OCA2: variants seen among roughly 807,000 people sequenced by gnomAD.
The protein encoded by OCA2 is P protein.
In OCA2, 77 loss-of-function variants were observed where a neutral mutation model predicts 100.2. The ratio of observed to expected loss-of-function variants is 0.77; its 90% CI spans 0.64 to 0.93. The LOEUF (loss-of-function observed/expected upper bound fraction) is 0.93. Among genes scored for constraint, OCA2 ranks in the 40% least tolerant of loss-of-function variants. The probability of loss-of-function intolerance (pLI) is 0.00; values close to 1 mark genes in which losing one functional copy is unlikely to be tolerated. For synonymous variants in OCA2, 432 were observed against 439.2 expected, an observed-to-expected ratio of 0.98 and a Z score of 0.21; for missense variants, 1,062 against 1,089.1, an observed-to-expected ratio of 0.98 and a Z score of 0.35.
chr15:27,968,355 G>A (rs962007652), intron 14 of OCA2, among the ~76,000 whole-genome samples: 1 of 152,126 alleles, frequency 6.6e-6, no homozygotes, highest in South Asian at 2.1e-4. Flanking sequence ...GGAATGACAG[G>A]GGCAGGGTGG....
At chr15:27,721,212 C>T in the OCA2 span, among the ~76,000 whole-genome samples, 17 of 152,182 alleles carry the variant, frequency 1.1e-4, no homozygotes, top group East Asian at 1.4e-3. Flanking sequence ...TAACAAATAA[C>T]GTAATTTGCA....
intron 9 of OCA2, among the ~76,000 whole-genome samples, chr15:28,008,881 C>A (rs775687956): frequency 6.6e-6 from 1 of 152,328 alleles, no homozygotes; most frequent in Middle Eastern, 3.4e-3. Context: ...CCCCAAGACT[C>A]CCCTGAGTAG....
intron 2 of OCA2, among the ~76,000 whole-genome samples, chr15:28,044,093 A>G (rs1016324463): frequency 5.9e-5 from 9 of 152,238 alleles, no homozygotes; most frequent in Admixed American, 1.3e-4. Context: ...GCTCTCTGAA[A>G]GACCATTTTA....
At chr15:27,866,377 A>G (rs72710557) in intron 21 of OCA2, among the ~76,000 whole-genome samples, 5,836 of 152,272 alleles carry the variant, frequency 0.038, 127 homozygotes, top group South Asian at 0.059. Flanking sequence ...GGAGGTGCAC[A>G]GCTAGGGTCT....
chr15:27,809,259 C>A (rs1243959086), intron 23 of OCA2, among the ~76,000 whole-genome samples: 2 of 152,228 alleles, frequency 1.3e-5, no homozygotes, highest in African/African-American at 4.8e-5. Flanking sequence ...TCTTTTATTG[C>A]TTCCCATTTT....
chr15:27,819,816 C>T (rs1443545847), intron 23 of OCA2, among the ~76,000 whole-genome samples: 1 of 152,132 alleles, frequency 6.6e-6, no homozygotes, highest in Admixed American at 6.5e-5. Flanking sequence ...TATCAATGAG[C>T]ACACCTAGAT....
At chr15:28,025,592 T>G (rs1387950209) in intron 4 of OCA2, among the ~76,000 whole-genome samples, 1 of 152,242 alleles carries the variant, frequency 6.6e-6, no homozygotes, top group African/African-American at 2.4e-5. Flanking sequence ...ACAGGGCCTT[T>G]GCCTGCCGGG....
chr15:27,815,175 G>C (rs1167565453), intron 23 of OCA2, among the ~76,000 whole-genome samples: 1 of 152,060 alleles, frequency 6.6e-6, no homozygotes, highest in Admixed American at 6.6e-5. Flanking sequence ...TAAATGGACG[G>C]GGAGAAGCTT....
intron 14 of OCA2, among the ~76,000 whole-genome samples, chr15:27,967,952 A>G (rs111414813): frequency 2.6e-5 from 4 of 151,826 alleles, no homozygotes; most frequent in Admixed American, 6.6e-5. Context: ...CTGTTCTTTC[A>G]CTGACGTCCT....
intron 23 of OCA2, among the ~76,000 whole-genome samples, chr15:27,837,038 G>C (rs1314625307): frequency 1.3e-5 from 2 of 152,176 alleles, no homozygotes; most frequent in East Asian, 1.9e-4. Context: ...TTATCAATTA[G>C]TGAGACACTC....
chr15:28,043,440 AAAG>A lies in OCA2; in HGVS notation c.228-11280_228-11278del, dbSNP rs1416482713. On this transcript the variant is annotated intron_variant, in intron 2 of 23. Coordinates refer to ENST00000354638, the MANE Select transcript of OCA2 (RefSeq NM_000275.3). The surrounding 1 kb of genome is among the most constrained non-coding windows in gnomAD (Gnocchi z 4.4). Reference sequence around the variant, plus strand: ...TCAATAAATCTCCAAAAATCACAATAAAGAAGATTGGTGCCCATTTTTTCTGGG... The same window carrying A: ...TCAATAAATCTCCAAAAATCACAATAAAGATTGGTGCCCATTTTTTCTGGG... 2.0e-5 allele frequency among the ~76,000 whole-genome samples: 3 copies of A among 152,208 alleles called. No individual in the cohort carries two copies. The highest frequency in any genetic ancestry group is 7.2e-5 in the African/African-American group (3 of 41,452).
chr15:27,856,389 G>A (rs930779772), intron 21 of OCA2, among the ~76,000 whole-genome samples: 2 of 152,158 alleles, frequency 1.3e-5, no homozygotes, highest in African/African-American at 2.4e-5. Flanking sequence ...AGGAAAGACT[G>A]ATAAAAAGGG....
At chr15:27,855,091 C>T (rs1282696498) in intron 21 of OCA2, among the ~76,000 whole-genome samples, 1 of 152,200 alleles carries the variant, frequency 6.6e-6, no homozygotes, top group East Asian at 1.9e-4. Flanking sequence ...ACATTGTTTT[C>T]AAAGCAAGCC....
rs2140706418 is a variant in OCA2 at position 27,957,724 on chromosome 15, C to T, written c.1648G>A (p.Glu550Lys). 1.2e-6 allele frequency: 2 copies of T among 1,613,180 alleles called. No individual in the cohort carries two copies. The highest frequency in any genetic ancestry group is 8.5e-7 in the Non-Finnish European group (1 of 1,180,010). Residue 550 changes from glutamate to lysine, a missense_variant, in exon 16 of 24, where the codon GAG (glutamate) becomes AAG (lysine). Coordinates refer to ENST00000354638, the MANE Select transcript of OCA2 (RefSeq NM_000275.3). This position sits in a 1 kb window ranked among gnomAD's most constrained non-coding sequence, Gnocchi z 4.3. ...GCAGTCAGGCGCCAGACGTGAATCT[C>T]GTGCTTCAGTTCTGCAGAGAAAGGA... The part of the protein sequence containing the change: ...EPSEIVELKH[E>K]IHVWRLTAQR...
intron 1 of OCA2, among the ~76,000 whole-genome samples, chr15:28,094,264 T>C (rs1274407412): frequency 2.6e-5 from 4 of 152,144 alleles, no homozygotes; most frequent in Admixed American, 1.3e-4. Flanking sequence ...CCCCAGCCCG[T>C]GGCTGCACTC....
At chr15:27,821,472 C>T (rs1244254278) in intron 23 of OCA2, among the ~76,000 whole-genome samples, 2 of 151,990 alleles carry the variant, frequency 1.3e-5, no homozygotes, top group Non-Finnish European at 2.9e-5. Context: ...GCAGGCACAA[C>T]TATGCATATG....
intron 2 of OCA2, among the ~76,000 whole-genome samples, chr15:28,067,311 A>C (rs958642303): frequency 9.9e-5 from 15 of 152,108 alleles, no homozygotes; most frequent in Non-Finnish European, 2.1e-4. Flanking sequence ...TTTTTGAAGG[A>C]CAAACTTGGT....
chr15:27,899,186 T>G (rs2037826278), intron 19 of OCA2, among the ~76,000 whole-genome samples: 1 of 152,154 alleles, frequency 6.6e-6, no homozygotes, highest in Non-Finnish European at 1.5e-5. Flanking sequence ...AAAACCATAT[T>G]ATTTTCTTCT....
At chr15:28,032,671 G>A (rs1351952242) in intron 2 of OCA2, among the ~76,000 whole-genome samples, 1 of 151,514 alleles carries the variant, frequency 6.6e-6, no homozygotes, top group African/African-American at 2.4e-5. Context: ...GTGGGTGCCT[G>A]TAATCCCAGC....
Sources: gnomAD v4.1 joint callset for allele counts (sites outside exome capture counted in the v4.1 genomes callset) on GRCh38, gnomAD v4.1.1 for gene constraint, Gnocchi (gnomAD v3.1) non-coding constraint, MANE v1.5 for transcripts, NCBI Gene and HGNC (gene_info 2026-07-23, HGNC 2026-07-21) for gene names.